The following DNAH3 variants were observed in gnomAD, a reference collection of about 807,000 sequenced individuals.
DNAH3 encodes the protein dynein axonemal heavy chain 3, also known as axonemal beta dynein heavy chain 3.
A neutral mutation model predicts 432.5 loss-of-function variants in DNAH3; 332 were observed. That is an observed-to-expected ratio of 0.77 (90% CI 0.70 to 0.84). The LOEUF (loss-of-function observed/expected upper bound fraction) is 0.84, where lower values mean the gene tolerates loss of function less well. Among genes scored for constraint, DNAH3 ranks in the 40% least tolerant of loss-of-function variants. The pLI, the probability that DNAH3 is intolerant of heterozygous loss-of-function variation, is 0.00. For synonymous variants in DNAH3, 1,956 were observed against 1,900.2 expected (o/e 1.03, Z -0.76); for missense variants, 4,861 against 5,114.0 (o/e 0.95, Z 1.51).
intron 12 of DNAH3, among the ~76,000 whole-genome samples, chr16:21,115,017 A>G (rs1312420882): frequency 6.6e-6 from 1 of 152,248 alleles, no homozygotes; most frequent in East Asian, 1.9e-4. Flanking sequence ...GATAGACTGG[A>G]TTAAGAAAAT....
In DNAH3 at chr16:21,040,358, ATTTT is replaced by A. The variant is rs55797285; in HGVS notation, c.4639-419_4639-416del. The stretch of plus-strand genomic sequence containing the variant: ...TCAGAAGAATCCCAAAGCCAGACAG[ATTTT>A]TTTTTTTTTTTTTTTTTTTTTTTTA... On this transcript the variant is annotated intron_variant, in intron 32 of 61. Coordinates refer to ENST00000261383, the Ensembl canonical transcript of DNAH3. Among the ~76,000 whole-genome samples the A allele has an allele frequency of 2.5e-4, 20 of 79,740 alleles. 1 individual carries two copies. Among genetic ancestry groups the A allele is most frequent in the East Asian group, 1.7e-3 (4 of 2,326 alleles). The allele number at this position is 79,740 out of a possible 152,430, so 52.3% of individuals were successfully genotyped here.
chr16:20,982,005 AATAT>A (rs1040580290), intron 49 of DNAH3, among the ~76,000 whole-genome samples: 1 of 146,290 alleles, frequency 6.8e-6, no homozygotes, highest in Admixed American at 6.8e-5. Flanking sequence ...TATAATATAT[AATAT>A]ATATAATTAA....
intron 16 of DNAH3, among the ~76,000 whole-genome samples, chr16:21,100,352 A>T (rs962252043): frequency 6.6e-6 from 1 of 152,194 alleles, no homozygotes; most frequent in African/African-American, 2.4e-5. Flanking sequence ...GATTACAAGC[A>T]TGAGCCACAT....
chr16:21,157,630 A>C (rs1358192851), intron 1 of DNAH3, among the ~76,000 whole-genome samples: 1 of 152,118 alleles, frequency 6.6e-6, no homozygotes, highest in Non-Finnish European at 1.5e-5. Flanking sequence ...GCACCCTGCC[A>C]GCTTTTTGTT....
At chr16:20,944,653 T>C in exon 58 of DNAH3, 1 of 1,613,882 alleles carries the variant, frequency 6.2e-7, no homozygotes, top group Non-Finnish European at 8.5e-7. Flanking sequence ...CCTGAGATAG[T>C]CGATATAGGA....
chr16:21,106,921 T>C (rs1451295841), intron 14 of DNAH3, among the ~76,000 whole-genome samples: 1 of 152,178 alleles, frequency 6.6e-6, no homozygotes, highest in Non-Finnish European at 1.5e-5. Flanking sequence ...CATTATGAAG[T>C]AGCACACCCC....
intron 59 of DNAH3, among the ~76,000 whole-genome samples, chr16:20,938,994 A>G (rs1056349875): frequency 6.6e-6 from 1 of 152,030 alleles, no homozygotes; most frequent in Non-Finnish European, 1.5e-5. Flanking sequence ...CCAACTCCTG[A>G]GCAATCTGCC....
chr16:21,010,550 T>C (rs2087543176), intron 41 of DNAH3, among the ~76,000 whole-genome samples: 1 of 152,192 alleles, frequency 6.6e-6, no homozygotes. Flanking sequence ...AGGGTCTGCT[T>C]GCTTTCCTTA....
At position 20,954,699 on chromosome 16, in the gene DNAH3, G is replaced by GT. The variant is rs1567520159; in HGVS notation, c.11071+113dup. The GT allele has an allele frequency of 5.9e-5, 69 of 1,174,788 alleles. 1 individual carries two copies. The highest frequency in any genetic ancestry group is 6.7e-5 in the Non-Finnish European group (56 of 838,742). The allele number at this position is 1,174,788 out of a possible 1,614,324, so 72.8% of individuals were successfully genotyped here. The stretch of plus-strand genomic sequence containing the variant: ...ATATTGCCTGGAAAATATTTATACC[G>GT]TATCTTACTGGCAACCCTATCTGAG... On this transcript the variant is annotated intron_variant, in intron 55 of 61. Transcript: ENST00000261383.
intron 38 of DNAH3, among the ~76,000 whole-genome samples, chr16:21,025,756 T>C (rs2088518884): frequency 6.6e-6 from 1 of 151,976 alleles, no homozygotes; most frequent in Non-Finnish European, 1.5e-5. Flanking sequence ...GTTTTTTAGA[T>C]GGAGTCTTGT....
chr16:21,032,061 G>C (rs2088907863), intron 36 of DNAH3, among the ~76,000 whole-genome samples: 2 of 149,244 alleles, frequency 1.3e-5, no homozygotes. Context: ...CAGGACTAAA[G>C]AAATCTGACT....
chr16:21,140,626 T>C (rs1597475832), exon 5 of DNAH3: 2 of 1,614,192 alleles, frequency 1.2e-6, no homozygotes, highest in Middle Eastern at 3.3e-4. Flanking sequence ...CTGGACTCAT[T>C]GGTCTGCTTC....
At chr16:21,090,029 G>C (rs1286066267) in intron 18 of DNAH3, among the ~76,000 whole-genome samples, 1 of 151,906 alleles carries the variant, frequency 6.6e-6, no homozygotes, top group Non-Finnish European at 1.5e-5. Context: ...AGGGTAATAA[G>C]GGAATGCTAT....
intron 19 of DNAH3, among the ~76,000 whole-genome samples, 188 bp downstream of exon 19, chr16:21,086,661 A>G (rs79427777): frequency 0.1 from 15,630 of 152,254 alleles, 979 homozygotes; most frequent in Non-Finnish European, 0.14. Context: ...CAACCTGTCC[A>G]GGGGGCAGGG....
At chr16:21,152,981 G>A (rs754137727) in intron 1 of DNAH3, among the ~76,000 whole-genome samples, 3 of 152,210 alleles carry the variant, frequency 2.0e-5, no homozygotes, top group South Asian at 2.1e-4. Context: ...TGAGGAGTGC[G>A]GGCCCACGGC....
chr16:21,111,562 T>C, intron 14 of DNAH3, 64 bp downstream of exon 14: 2 of 1,506,558 alleles, frequency 1.3e-6, no homozygotes, highest in Non-Finnish European at 1.8e-6. Flanking sequence ...CAAGTTCTGG[T>C]CACTTTTTCG....
At chr16:20,977,469 C>T (rs2085648436) in intron 50 of DNAH3, among the ~76,000 whole-genome samples, 1 of 151,348 alleles carries the variant, frequency 6.6e-6, no homozygotes, top group Non-Finnish European at 1.5e-5. Flanking sequence ...ACTCACTGGT[C>T]ATGATTCTGC....
chr16:21,037,725 C>A (rs1288633072), intron 34 of DNAH3, 36 bp downstream of exon 34: 3 of 1,585,804 alleles, frequency 1.9e-6, no homozygotes, highest in Non-Finnish European at 2.6e-6. Flanking sequence ...AACATTGAGC[C>A]TTGGTCCTCG....
chr16:21,058,869 G>A (rs953649450), intron 26 of DNAH3, among the ~76,000 whole-genome samples: 1 of 152,098 alleles, frequency 6.6e-6, no homozygotes, highest in Non-Finnish European at 1.5e-5. Flanking sequence ...GAGAACATTA[G>A]GACAAATACC....
Sources: allele counts gnomAD v4.1 joint callset (sites outside exome capture counted in the v4.1 genomes callset), GRCh38; gene constraint gnomAD v4.1.1; transcripts MANE v1.5; gene names NCBI Gene and HGNC (gene_info 2026-07-23, HGNC 2026-07-21).